The following CUX1 variants were observed in gnomAD, a reference collection of about 807,000 sequenced individuals.
The protein encoded by CUX1 is protein CASP.
Under a neutral mutation model 158.8 loss-of-function variants are expected in CUX1, and 31 were observed. The observed-to-expected ratio is 0.20, with a 90% CI of 0.15 to 0.26. The LOEUF (loss-of-function observed/expected upper bound fraction) is 0.26. Among genes scored for constraint, CUX1 ranks in the 10% least tolerant of loss-of-function variants. CUX1 has a pLI of 1.00. For missense variants in CUX1, 1,589 were observed against 2,014.6 expected (o/e 0.79, Z 4.04); for synonymous variants, 879 against 862.1 (o/e 1.02, Z -0.34).
intron 2 of CUX1, among the ~76,000 whole-genome samples, chr7:102,027,644 T>C (rs1160606424): frequency 6.6e-6 from 1 of 152,150 alleles, no homozygotes; most frequent in Non-Finnish European, 1.5e-5. Flanking sequence ...GCACATCTCT[T>C]AAGCCCAGGA....
At chr7:102,074,379 C>T (rs1203980095) in intron 4 of CUX1, among the ~76,000 whole-genome samples, 1 of 152,236 alleles carries the variant, frequency 6.6e-6, no homozygotes, top group Admixed American at 6.5e-5. Context: ...CCAGGAACAG[C>T]GGAGCCAGAG....
intron 4 of CUX1, among the ~76,000 whole-genome samples, chr7:102,094,649 T>C (rs1425334920): frequency 1.3e-5 from 2 of 152,220 alleles, no homozygotes; most frequent in Non-Finnish European, 2.9e-5. Context: ...GTGTGTTCTT[T>C]AAAGATATAA....
chr7:102,037,681 A>C (rs1452799045), intron 3 of CUX1, among the ~76,000 whole-genome samples: 1 of 152,026 alleles, frequency 6.6e-6, no homozygotes, highest in African/African-American at 2.4e-5. Flanking sequence ...TTAAACAGAA[A>C]ACCATAAAAG....
At chr7:102,065,750 T>C (rs1825472591) in intron 3 of CUX1, among the ~76,000 whole-genome samples, 1 of 152,006 alleles carries the variant, frequency 6.6e-6, no homozygotes, top group Admixed American at 6.6e-5. Context: ...TTGGTTTTTA[T>C]GCCGGTTTAG....
intron 3 of CUX1, among the ~76,000 whole-genome samples, chr7:102,056,334 T>G (rs1307012457): frequency 6.6e-6 from 1 of 152,122 alleles, no homozygotes; most frequent in African/African-American, 2.4e-5. Flanking sequence ...TGTCTTGTCT[T>G]TAAAGCTTCC....
chr7:102,121,132 T>G (rs1301878201), intron 8 of CUX1, among the ~76,000 whole-genome samples: 1 of 152,142 alleles, frequency 6.6e-6, no homozygotes, highest in Non-Finnish European at 1.5e-5. Context: ...CAAGTCTGCA[T>G]GGCAAATGTG....
intron 3 of CUX1, among the ~76,000 whole-genome samples, chr7:102,058,081 A>G (rs575511593): frequency 1.3e-4 from 20 of 152,170 alleles, no homozygotes; most frequent in Middle Eastern, 3.4e-3. Context: ...AAAGATTACA[A>G]CTCCCTGAAA....
intron 2 of CUX1, among the ~76,000 whole-genome samples, chr7:101,988,210 C>CA (rs5886211): frequency 0.33 from 48,790 of 146,384 alleles, 8,273 homozygotes; most frequent in South Asian, 0.48. Flanking sequence ...GAATCTGTTT[C>CA]AAAAAAAAAA....
At chr7:102,008,131 T>C (rs1585255222) in intron 2 of CUX1, among the ~76,000 whole-genome samples, 1 of 152,186 alleles carries the variant, frequency 6.6e-6, no homozygotes, top group Non-Finnish European at 1.5e-5. Context: ...GTCACCTTCC[T>C]GAAGCAGACC....
At chr7:102,099,659 T>C (rs1829582682) in intron 5 of CUX1, among the ~76,000 whole-genome samples, 1 of 152,070 alleles carries the variant, frequency 6.6e-6, no homozygotes, top group African/African-American at 2.4e-5. Context: ...CCTCCTGGAC[T>C]CAAGTAGTCC....
chr7:102,027,826 T>C (rs927084646), intron 2 of CUX1, among the ~76,000 whole-genome samples: 5 of 152,186 alleles, frequency 3.3e-5, no homozygotes, highest in African/African-American at 1.2e-4. Flanking sequence ...TGTGCCACTG[T>C]GCTCCAGCCT....
intron 3 of CUX1, among the ~76,000 whole-genome samples, chr7:102,052,640 T>C (rs1419124184): frequency 6.6e-6 from 1 of 152,228 alleles, no homozygotes; most frequent in Non-Finnish European, 1.5e-5. Context: ...AACACTTTTG[T>C]CTTTCTTGCC....
Position 102,251,802 on chromosome 7 carries a change from G to A in CUX1, c.*2760G>A. 1.0e-6 allele frequency: 1 copy of A among 985,354 alleles called. No individual in the cohort carries two copies. The highest frequency in any genetic ancestry group is 1.2e-6 in the Non-Finnish European group (1 of 829,912). The allele number at this position is 985,354 out of a possible 1,614,324, so 61.0% of individuals were successfully genotyped here. A position where few individuals can be genotyped will look rare whatever the true frequency, so the allele number is the denominator to read the frequency against. On this transcript the variant is annotated 3_prime_UTR_variant, in exon 24 of 24. Transcript: ENST00000292535. ...TCATAAGAATGAAAAGAAGTTAACA[G>A]GAAATAGTAGGCTAGGGTTTAGTTT... is the stretch of plus-strand genomic sequence containing the variant.
rs542051699 is a variant in CUX1 at position 101,826,500 on chromosome 7, C to A, written c.30+8831C>A. ...TATAGAGGTGAACCACTGCGCCCGG[C>A]CTTCAAGCCTATTTCATGCATTCCT... On this transcript the variant is annotated intron_variant, in intron 1 of 23. Coordinates refer to ENST00000292535, the MANE Select transcript of CUX1 (RefSeq NM_181552.4). Among the ~76,000 whole-genome samples, 3 of 152,290 alleles carry A rather than the reference C, an allele frequency of 2.0e-5. No homozygotes were observed. The East Asian group carries it at 5.8e-4, about 29-fold the overall frequency.
At chr7:101,935,839 G>A (rs1806858911) in intron 2 of CUX1, among the ~76,000 whole-genome samples, 1 of 152,166 alleles carries the variant, frequency 6.6e-6, no homozygotes, top group Non-Finnish European at 1.5e-5. Context: ...GCACACTTGG[G>A]AGTCACATGG....
chr7:101,896,547 A>T (rs759609592), intron 1 of CUX1, among the ~76,000 whole-genome samples: 15 of 152,170 alleles, frequency 9.9e-5, no homozygotes, highest in Non-Finnish European at 1.9e-4. Flanking sequence ...GTCAGCTCCA[A>T]CTAGACTCTG....
intron 18 of CUX1, chr7:102,278,123 C>G: frequency 7.7e-7 from 1 of 1,302,270 alleles, no homozygotes; most frequent in Non-Finnish European, 1.1e-6. Context: ...AGAGGCCGAT[C>G]AGGGCTCTGG....
intron 8 of CUX1, among the ~76,000 whole-genome samples, chr7:102,124,335 AT>A (rs1169871503): frequency 6.6e-6 from 1 of 152,214 alleles, no homozygotes; most frequent in African/African-American, 2.4e-5. Flanking sequence ...ACTGCTGGGT[AT>A]TTATCCAAAG....
chr7:102,094,915 C>A (rs1344615482), intron 4 of CUX1, among the ~76,000 whole-genome samples: 2 of 152,086 alleles, frequency 1.3e-5, no homozygotes, highest in Non-Finnish European at 2.9e-5. Context: ...ATTTTTTTTA[C>A]AAACAGCACC....
Sources: gnomAD v4.1 joint callset for allele counts (sites outside exome capture counted in the v4.1 genomes callset) on GRCh38, gnomAD v4.1.1 for gene constraint, MANE v1.5 for transcripts, NCBI Gene and HGNC (gene_info 2026-07-23, HGNC 2026-07-21) for gene names.